NXN: variants seen among roughly 807,000 people sequenced by gnomAD.
The protein encoded by NXN is nucleoredoxin 1.
Under a neutral mutation model 48.6 loss-of-function variants are expected in NXN, and 16 were observed. The ratio of observed to expected loss-of-function variants is 0.33; its 90% CI spans 0.22 to 0.50. The LOEUF (loss-of-function observed/expected upper bound fraction) is 0.50. Among genes scored for constraint, NXN ranks in the 20% least tolerant of loss-of-function variants. The pLI is 0.98. For synonymous variants in NXN, 281 were observed against 269.6 expected, an observed-to-expected ratio of 1.04 and a Z score of -0.41; for missense variants, 492 against 605.5, an observed-to-expected ratio of 0.81 and a Z score of 1.97.
At chr17:864,336 A>C (rs979365701) in intron 1 of NXN, among the ~76,000 whole-genome samples, 2 of 151,656 alleles carry the variant, frequency 1.3e-5, no homozygotes, top group Non-Finnish European at 2.9e-5. Context: ...ACGGTTCTTC[A>C]GAGTGTTGAT....
intron 1 of NXN, among the ~76,000 whole-genome samples, chr17:865,575 T>A (rs2068087144): frequency 6.6e-6 from 1 of 151,896 alleles, no homozygotes; most frequent in South Asian, 2.1e-4. Context: ...AATGACAGTC[T>A]CTCCCCTCCA....
intron 1 of NXN, among the ~76,000 whole-genome samples, chr17:871,970 T>C (rs1484816093): frequency 6.6e-6 from 1 of 152,104 alleles, no homozygotes; most frequent in Non-Finnish European, 1.5e-5. Flanking sequence ...AAGTATGTTA[T>C]GTGTGGAATT....
At chr17:955,694 A>T (rs2069159494) in intron 1 of NXN, among the ~76,000 whole-genome samples, 1 of 151,008 alleles carries the variant, frequency 6.6e-6, no homozygotes, top group African/African-American at 2.4e-5. Flanking sequence ...CAGGAGATTG[A>T]GACCATCCTG....
intron 1 of NXN, among the ~76,000 whole-genome samples, chr17:972,783 G>A (rs1485192004): frequency 1.3e-5 from 2 of 152,210 alleles, no homozygotes; most frequent in African/African-American, 4.8e-5. Flanking sequence ...TGTAATCCCA[G>A]CACTTTGGGA....
intron 6 of NXN, 96 bp from the exon 7 acceptor site, chr17:803,902 G>A (rs995866885): frequency 9.9e-6 from 15 of 1,511,996 alleles, no homozygotes; most frequent in African/African-American, 1.4e-5. Context: ...CTGCAGAAAC[G>A]CCCGCCTGAG....
At chr17:941,863 T>C (rs2068979309) in intron 1 of NXN, among the ~76,000 whole-genome samples, 1 of 67,934 alleles carries the variant, frequency 1.5e-5, no homozygotes, top group Non-Finnish European at 3.1e-5. Flanking sequence ...AACACCTCCC[T>C]GGATTTACAG....
intron 1 of NXN, among the ~76,000 whole-genome samples, chr17:901,212 C>T (rs1804199729): frequency 6.7e-6 from 1 of 150,072 alleles, no homozygotes; most frequent in Non-Finnish European, 1.5e-5. Context: ...TGAGCCACGG[C>T]GTCCGGCCAG....
At chr17:846,838 G>A (rs2067867638) in intron 1 of NXN, among the ~76,000 whole-genome samples, 1 of 151,986 alleles carries the variant, frequency 6.6e-6, no homozygotes, top group African/African-American at 2.4e-5. Flanking sequence ...AAGGCGAGAA[G>A]GGAAAAGGAG....
chr17:973,476 G>A (rs2069416388), intron 1 of NXN, among the ~76,000 whole-genome samples: 1 of 152,134 alleles, frequency 6.6e-6, no homozygotes, highest in African/African-American at 2.4e-5. Flanking sequence ...AAGTTACAAG[G>A]GTGACTGAAA....
intron 1 of NXN, among the ~76,000 whole-genome samples, chr17:916,534 TTGCACCCCAGC>T (rs1242492244): frequency 6.6e-6 from 1 of 152,148 alleles, no homozygotes; most frequent in Admixed American, 6.6e-5. Context: ...AAATGTGAAA[TTGCACCCCAGC>T]TGCAGTAGCT....
chr17:923,232 G>A (rs1272714523), intron 1 of NXN, among the ~76,000 whole-genome samples: 1 of 152,110 alleles, frequency 6.6e-6, no homozygotes, highest in Non-Finnish European at 1.5e-5. Context: ...ACATCTCCAG[G>A]CAGGGCCCTT....
intron 1 of NXN, among the ~76,000 whole-genome samples, chr17:838,256 C>A (rs896862663): frequency 2.0e-5 from 3 of 151,224 alleles, no homozygotes; most frequent in African/African-American, 7.3e-5. Context: ...CTCCGCCTCC[C>A]GAGTAGCTGG....
rs1361064426 is a variant in NXN, at chr17:978,857, C to A, written c.360+462G>T. Among the ~76,000 whole-genome samples the A allele has an allele frequency of 1.3e-5, 2 of 151,412 alleles. No individual in the cohort carries two copies. The highest frequency in any genetic ancestry group is 3.0e-5 in the Non-Finnish European group (2 of 67,766). On this transcript the variant is annotated intron_variant, in intron 1 of 7. Transcript: ENST00000336868. This position sits in a 1 kb window ranked among gnomAD's most constrained non-coding sequence, Gnocchi z 4.1. The stretch of plus-strand genomic sequence containing the variant: ...TGCGCCCTCCCCTCCCCTCCCCTCC[C>A]CACTGTGGGAATCCGCGGGGGTCGG...
At chr17:927,825 G>A (rs1381095787) in intron 1 of NXN, among the ~76,000 whole-genome samples, 1 of 152,036 alleles carries the variant, frequency 6.6e-6, no homozygotes, top group Non-Finnish European at 1.5e-5. Flanking sequence ...AACTCCTAGA[G>A]ACAGCCGTGC....
intron 1 of NXN, among the ~76,000 whole-genome samples, chr17:884,232 A>G (rs2068317992): frequency 6.9e-6 from 1 of 144,884 alleles, no homozygotes; most frequent in Admixed American, 6.8e-5. Context: ...AAAAATAAAT[A>G]AATAAATAAA....
chr17:852,732 T>C (rs1173626628), intron 1 of NXN, among the ~76,000 whole-genome samples: 1 of 152,188 alleles, frequency 6.6e-6, no homozygotes, highest in Non-Finnish European at 1.5e-5. Context: ...GTTGGGATTA[T>C]GCGTATGCCA....
At chr17:869,813 C>A (rs1269371973) in intron 1 of NXN, among the ~76,000 whole-genome samples, 1 of 152,234 alleles carries the variant, frequency 6.6e-6, no homozygotes, top group East Asian at 1.9e-4. Flanking sequence ...CCTGCCAATT[C>A]TCCTCCAAGC....
rs185859661 is a variant in NXN, at chr17:811,783, C to T, written c.821-6536G>A. 3.1e-3 allele frequency among the ~76,000 whole-genome samples: 477 copies of T among 152,168 alleles called. 3 individuals carry two copies. The highest frequency in any genetic ancestry group is 0.011 in the African/African-American group (459 of 41,520). ...GCTCAAGGGCACAGCCTCGAGGCCC[C>T]GACTCCCCCACCCGTACCGCCCCCC... On this transcript the variant is annotated intron_variant, in intron 5 of 7. Transcript: ENST00000336868.
At chr17:851,968 C>G (rs2067928214) in intron 1 of NXN, among the ~76,000 whole-genome samples, 1 of 152,204 alleles carries the variant, frequency 6.6e-6, no homozygotes, top group Non-Finnish European at 1.5e-5. Context: ...TAACCAGAGA[C>G]TTGAAATGGA....
Sources: allele counts gnomAD v4.1 joint callset (sites outside exome capture counted in the v4.1 genomes callset), GRCh38; gene constraint gnomAD v4.1.1; non-coding constraint Gnocchi (gnomAD v3.1); transcripts MANE v1.5; gene names NCBI Gene and HGNC (gene_info 2026-07-23, HGNC 2026-07-21).